GRM5: variants seen among roughly 807,000 people sequenced by gnomAD.
GRM5 encodes metabotropic glutamate receptor 5.
GRM5 carries 19 observed loss-of-function variants against 83.1 expected under a neutral mutation model. The observed-to-expected ratio is 0.23, with a 90% CI of 0.16 to 0.34. GRM5 has a LOEUF of 0.34. GRM5 is among the 10% of genes least tolerant of loss of function. The pLI is 1.00. For synonymous variants in GRM5, 675 were observed against 633.6 expected (o/e 1.07, Z -0.98); for missense variants, 1,160 against 1,588.3 (o/e 0.73, Z 4.58).
chr11:88,604,678 T>C lies in GRM5; in HGVS notation c.1394+40A>G, dbSNP rs148281450. The C allele has an allele frequency of 1.6e-5, 25 of 1,535,960 alleles. No homozygotes were observed. The African/African-American group carries it at 2.7e-4, about 17-fold the overall frequency. On this transcript the variant is annotated intron_variant, in intron 5 of 9. Coordinates refer to ENST00000305447, the MANE Select transcript of GRM5 (RefSeq NM_001143831.3). The stretch of plus-strand genomic sequence containing the variant: ...TTTCAGGATCAAGAGTTGGCTGTTA[T>C]TCAGTCTCTACTCTGCAGAGGAGAA...
chr11:88,512,384 C>CT (rs762792222), intron 9 of GRM5: 50 of 154,098 alleles, frequency 3.2e-4, no homozygotes, highest in African/African-American at 1.1e-3. Context: ...AACATGAAAG[C>CT]TTTTTTTTCC....
intron 2 of GRM5, among the ~76,000 whole-genome samples, chr11:89,011,194 C>T (rs914579203): frequency 3.9e-5 from 6 of 152,016 alleles, no homozygotes; most frequent in African/African-American, 7.2e-5. Context: ...TTTTTTCTTT[C>T]GTTTTCTTTT....
At chr11:89,058,690 C>T (rs1262129553) in intron 1 of GRM5, among the ~76,000 whole-genome samples, 5 of 152,070 alleles carry the variant, frequency 3.3e-5, no homozygotes, top group African/African-American at 4.8e-5. Flanking sequence ...TTGAGAAAGA[C>T]AAATTTAAGC....
At chr11:88,613,871 A>G (rs1938396352) in intron 4 of GRM5, among the ~76,000 whole-genome samples, 1 of 152,160 alleles carries the variant, frequency 6.6e-6, no homozygotes, top group Non-Finnish European at 1.5e-5. Flanking sequence ...ATACCTTATT[A>G]TAGAATTGTG....
chr11:88,798,825 A>AAAAAAAAAAAAC (rs777932007), intron 3 of GRM5, among the ~76,000 whole-genome samples: 3 of 145,232 alleles, frequency 2.1e-5, no homozygotes, highest in East Asian at 2.1e-4. Flanking sequence ...AAAAAAAAAA[A>AAAAAAAAAAAAC]AACAACAACA....
At chr11:88,531,242 C>T (rs752847348) in intron 8 of GRM5, among the ~76,000 whole-genome samples, 4 of 151,802 alleles carry the variant, frequency 2.6e-5, no homozygotes, top group Non-Finnish European at 4.4e-5. Context: ...AGAGATATGG[C>T]GTAGAAATGT....
intron 2 of GRM5, among the ~76,000 whole-genome samples, chr11:88,879,950 A>G (rs922570268): frequency 5.9e-5 from 9 of 152,082 alleles, no homozygotes; most frequent in African/African-American, 2.2e-4. Context: ...ATTATAGAGA[A>G]ATAGATGCAT....
intron 2 of GRM5, among the ~76,000 whole-genome samples, chr11:88,986,266 A>C (rs1225442236): frequency 1.3e-5 from 2 of 152,168 alleles, no homozygotes; most frequent in Non-Finnish European, 2.9e-5. Context: ...TGTATGGTTC[A>C]ATTTATATAA....
rs374044485 is a variant in GRM5, at chr11:88,508,912, T to C, written c.3319A>G (p.Thr1107Ala). 39 of 1,601,296 alleles carry C rather than the reference T, an allele frequency of 2.4e-5. No individual in the cohort carries two copies. In the African/African-American group the frequency reaches 4.3e-4, roughly 18 times the overall value. Residue 1107 changes from threonine (T) to alanine (A), a missense_variant, in exon 10 of 10, where the codon ACG (threonine) becomes GCG (alanine). This residue lies in a region of GRM5 where 562 missense variants were observed against 532.4 expected (regional missense o/e 1.06). Transcript: ENST00000305447. The surrounding 1 kb of genome is among the most constrained non-coding windows in gnomAD (Gnocchi z 4.2). ...YLIPKEIQLP[T>A]TMTTFAEIQP... is the part of the protein sequence containing the mutation. Reference sequence around the variant, plus strand: ...ATTTCGGCAAAGGTCGTCATGGTCGTGGGCAACTGGATCTCTTTGGGGATC... The same window carrying C: ...ATTTCGGCAAAGGTCGTCATGGTCGCGGGCAACTGGATCTCTTTGGGGATC...
At chr11:88,601,397 C>T (rs192920546) in intron 5 of GRM5, among the ~76,000 whole-genome samples, 2 of 151,776 alleles carry the variant, frequency 1.3e-5, no homozygotes, top group East Asian at 1.9e-4. Flanking sequence ...CTTTCTTTCT[C>T]TCTTTCTCTC....
At chr11:88,610,587 G>A (rs561665399) in intron 4 of GRM5, among the ~76,000 whole-genome samples, 5 of 152,240 alleles carry the variant, frequency 3.3e-5, no homozygotes, top group African/African-American at 4.8e-5. Flanking sequence ...AAACTTTACC[G>A]AAGTTGTTTA....
chr11:88,992,567 T>C (rs904406483), intron 2 of GRM5, among the ~76,000 whole-genome samples: 12 of 152,032 alleles, frequency 7.9e-5, no homozygotes, highest in East Asian at 3.9e-4. Context: ...CACATGCACA[T>C]GTATGTTTAT....
intron 3 of GRM5, among the ~76,000 whole-genome samples, chr11:88,790,316 A>G (rs1591518193): frequency 6.6e-6 from 1 of 152,156 alleles, no homozygotes; most frequent in South Asian, 2.1e-4. Flanking sequence ...GTGTTTATCA[A>G]TCTCTGTGTT....
chr11:88,684,828 C>A (rs1029378477), intron 3 of GRM5, among the ~76,000 whole-genome samples: 2 of 152,158 alleles, frequency 1.3e-5, no homozygotes, highest in African/African-American at 2.4e-5. Context: ...CTTGTGGCTG[C>A]CATGTAAGAA....
intron 3 of GRM5, among the ~76,000 whole-genome samples, chr11:88,811,982 A>T (rs1943597014): frequency 6.6e-6 from 1 of 152,128 alleles, no homozygotes. Flanking sequence ...TGTAAGACTC[A>T]TATTAAACGA....
At chr11:88,798,227 G>C (rs1943320098) in intron 3 of GRM5, among the ~76,000 whole-genome samples, 3 of 152,036 alleles carry the variant, frequency 2.0e-5, no homozygotes, top group South Asian at 2.1e-4. Context: ...TGTTATCATT[G>C]GATATGACAA....
chr11:89,027,977 G>T (rs987188517), intron 2 of GRM5, among the ~76,000 whole-genome samples: 14 of 152,092 alleles, frequency 9.2e-5, no homozygotes, highest in African/African-American at 2.4e-4. Context: ...GCCCCCATTT[G>T]CCCTCTTTTC....
intron 2 of GRM5, among the ~76,000 whole-genome samples, chr11:88,882,897 A>T (rs959943891): frequency 8.5e-5 from 13 of 152,248 alleles, no homozygotes; most frequent in African/African-American, 3.1e-4. Context: ...ATGACCGTGA[A>T]TAAGTCTCAC....
At chr11:88,629,348 T>C (rs1938894175) in intron 4 of GRM5, among the ~76,000 whole-genome samples, 1 of 152,206 alleles carries the variant, frequency 6.6e-6, no homozygotes, top group African/African-American at 2.4e-5. Flanking sequence ...CTATGCGCCG[T>C]ACATATCTAT....
Sources: gnomAD v4.1 joint callset for allele counts (sites outside exome capture counted in the v4.1 genomes callset) on GRCh38, gnomAD v4.1.1 for gene constraint, gnomAD v4.1.1 regional missense constraint, Gnocchi (gnomAD v3.1) non-coding constraint, MANE v1.5 for transcripts, NCBI Gene and HGNC (gene_info 2026-07-23, HGNC 2026-07-21) for gene names.